PLXNA4: variants seen among roughly 807,000 people sequenced by gnomAD.
The protein encoded by PLXNA4 is plexin-A4.
A neutral mutation model predicts 191.8 loss-of-function variants in PLXNA4; 44 were observed. The ratio of observed to expected loss-of-function variants is 0.23; its 90% CI spans 0.18 to 0.29. The LOEUF is 0.29. PLXNA4 is among the 10% of genes least tolerant of loss of function. The pLI is 1.00. For missense variants in PLXNA4, 1,800 were observed against 2,488.8 expected (o/e 0.72, Z 5.89); for synonymous variants, 1,082 against 1,009.5 (o/e 1.07, Z -1.36).
At chr7:132,465,119 C>T (rs1456454474) in intron 3 of PLXNA4, among the ~76,000 whole-genome samples, 1 of 152,202 alleles carries the variant, frequency 6.6e-6, no homozygotes, top group Admixed American at 6.5e-5. Flanking sequence ...CCCCCACTCC[C>T]CAGACCTCAC....
At chr7:132,356,235 G>T (rs1411682346) in intron 3 of PLXNA4, among the ~76,000 whole-genome samples, 1 of 152,044 alleles carries the variant, frequency 6.6e-6, no homozygotes, top group Non-Finnish European at 1.5e-5. Context: ...TTCTATCCAG[G>T]TGCTCAAATG....
intron 3 of PLXNA4, among the ~76,000 whole-genome samples, chr7:132,416,111 A>G (rs561650784): frequency 1.3e-5 from 2 of 152,228 alleles, no homozygotes; most frequent in Non-Finnish European, 2.9e-5. Flanking sequence ...ACTAGTGCAG[A>G]TATGAATATT....
intron 3 of PLXNA4, among the ~76,000 whole-genome samples, chr7:132,322,462 C>T (rs10240206): frequency 0.036 from 5,519 of 152,238 alleles, 156 homozygotes; most frequent in Middle Eastern, 0.068. Flanking sequence ...GGATTACAGG[C>T]GTGAGCCACC....
At chr7:132,439,382 T>G (rs1461471363) in intron 3 of PLXNA4, among the ~76,000 whole-genome samples, 1 of 152,174 alleles carries the variant, frequency 6.6e-6, no homozygotes, top group Non-Finnish European at 1.5e-5. Flanking sequence ...AACAAGCAAT[T>G]TACTTGGTGA....
In PLXNA4 at chr7:132,145,302, A is replaced by T; in HGVS notation, c.5056-14T>A. 1 of 1,613,972 alleles carries T rather than the reference A, an allele frequency of 6.2e-7. No individual in the cohort carries two copies. The highest frequency in any genetic ancestry group is 8.5e-7 in the Non-Finnish European group (1 of 1,179,846). ...CTGCAGTGTGCCCTGGAGAGGCAGG[A>T]TACGTCCAGACACAGCTCGACTCAC... On this transcript the variant is annotated splice_polypyrimidine_tract_variant and intron_variant, in intron 28 of 31. Coordinates refer to ENST00000321063, the MANE Select transcript of PLXNA4 (RefSeq NM_020911.2).
chr7:132,312,149 AAATAATAAT>A (rs56273116), intron 3 of PLXNA4, among the ~76,000 whole-genome samples: 2 of 149,494 alleles, frequency 1.3e-5, no homozygotes, highest in Non-Finnish European at 3.0e-5. Flanking sequence ...CCTTGAAGGA[AAATAATAAT>A]AATAATAATA....
intron 3 of PLXNA4, among the ~76,000 whole-genome samples, chr7:132,428,428 G>A (rs277472): frequency 2.0e-5 from 3 of 152,168 alleles, no homozygotes; most frequent in Non-Finnish European, 4.4e-5. Flanking sequence ...GCCAGGAGGC[G>A]AGGACCTTGC....
At chr7:132,328,729 C>G (rs1802472982) in intron 3 of PLXNA4, among the ~76,000 whole-genome samples, 1 of 152,188 alleles carries the variant, frequency 6.6e-6, no homozygotes, top group Non-Finnish European at 1.5e-5. Flanking sequence ...CAGGCCCGGG[C>G]AAACCAGGTG....
At chr7:132,532,894 GACTA>G (rs1349793777) in intron 1 of PLXNA4, among the ~76,000 whole-genome samples, 2 of 152,060 alleles carry the variant, frequency 1.3e-5, no homozygotes, top group African/African-American at 2.4e-5. Flanking sequence ...TGTGACCTGA[GACTA>G]ACTATTTATT....
chr7:132,394,736 A>G (rs1249928724), intron 3 of PLXNA4, among the ~76,000 whole-genome samples: 3 of 152,248 alleles, frequency 2.0e-5, no homozygotes, highest in Non-Finnish European at 4.4e-5. Context: ...GAATCTATGA[A>G]GAACCTTTCC....
chr7:132,319,275 C>A (rs1802071222), intron 3 of PLXNA4, among the ~76,000 whole-genome samples: 1 of 152,178 alleles, frequency 6.6e-6, no homozygotes, highest in East Asian at 1.9e-4. Context: ...GACTCTCACG[C>A]AGCATGGCTG....
At chr7:132,608,691 C>T (rs1473162141) in intron 2 of PLXNA4, among the ~76,000 whole-genome samples, 3 of 152,124 alleles carry the variant, frequency 2.0e-5, no homozygotes, top group African/African-American at 2.4e-5. Flanking sequence ...GCATCCCCCA[C>T]CCCCGCACTC....
At chr7:132,424,133 G>T (rs749621241) in intron 3 of PLXNA4, among the ~76,000 whole-genome samples, 1 of 152,008 alleles carries the variant, frequency 6.6e-6, no homozygotes, top group South Asian at 2.1e-4. Context: ...CCTCCTCCTC[G>T]CCAGGGTCTC....
intron 4 of PLXNA4, among the ~76,000 whole-genome samples, chr7:132,262,044 C>T (rs1799664102): frequency 6.6e-6 from 1 of 152,220 alleles, no homozygotes; most frequent in Admixed American, 6.5e-5. Flanking sequence ...CCTTCCTGCT[C>T]TAACAATCCA....
At chr7:132,535,003 C>T (rs371292401) in intron 1 of PLXNA4, among the ~76,000 whole-genome samples, 1 of 152,144 alleles carries the variant, frequency 6.6e-6, no homozygotes, top group African/African-American at 2.4e-5. Flanking sequence ...TTAAGGCCTT[C>T]CTATCAGGAG....
intron 4 of PLXNA4, among the ~76,000 whole-genome samples, chr7:132,265,764 C>T (rs762639485): frequency 6.6e-6 from 1 of 152,138 alleles, no homozygotes. Flanking sequence ...GCACTATGAC[C>T]CTGCCAGCCA....
intron 2 of PLXNA4, among the ~76,000 whole-genome samples, chr7:132,631,445 A>G (rs1171070401): frequency 3.3e-5 from 5 of 152,180 alleles, no homozygotes; most frequent in Non-Finnish European, 7.3e-5. Flanking sequence ...ATAATCTTGT[A>G]GGAAGGGTAT....
At chr7:132,542,882 G>A (rs543460531) in intron 1 of PLXNA4, among the ~76,000 whole-genome samples, 1 of 152,172 alleles carries the variant, frequency 6.6e-6, no homozygotes, top group East Asian at 1.9e-4. Flanking sequence ...CTAGTTTGCT[G>A]CCAAAACTTG....
At chr7:132,181,229 C>G (rs941143307) in intron 18 of PLXNA4, 152 bp downstream of exon 18, 1 of 1,392,556 alleles carries the variant, frequency 7.2e-7, no homozygotes, top group Admixed American at 2.0e-5. Flanking sequence ...AGTACAGACT[C>G]AGAGAGAACA....
Sources: gnomAD v4.1 joint callset for allele counts (sites outside exome capture counted in the v4.1 genomes callset) on GRCh38, gnomAD v4.1.1 for gene constraint, MANE v1.5 for transcripts, NCBI Gene and HGNC (gene_info 2026-07-23, HGNC 2026-07-21) for gene names.